Variants in TET1 observed in about 807,000 individuals in gnomAD.
TET1 encodes the protein tet methylcytosine dioxygenase 1.
Under a neutral mutation model 148.7 loss-of-function variants are expected in TET1, and 13 were observed. The ratio of observed to expected loss-of-function variants is 0.09; its 90% CI spans 0.06 to 0.14. The LOEUF (loss-of-function observed/expected upper bound fraction) is 0.14, where lower values mean the gene tolerates loss of function less well. TET1 is among the 10% of genes least tolerant of loss of function. The pLI, the probability that TET1 is intolerant of heterozygous loss-of-function variation, is 1.00. For synonymous variants in TET1, 907 were observed against 937.2 expected (o/e 0.97, Z 0.59); for missense variants, 2,182 against 2,553.8 (o/e 0.85, Z 3.14).
chr10:68,682,819 C>G lies in TET1; in HGVS notation c.4915-17C>G. ...CCTTCTCTCTCTTAAGATTGTGCTC[C>G]ATGCTTTCTTTTCTAGGTGGAATAT... On this transcript the variant is annotated splice_polypyrimidine_tract_variant and intron_variant, in intron 9 of 11. Coordinates refer to ENST00000373644, the MANE Select transcript of TET1 (RefSeq NM_030625.3). 1 of 1,610,092 alleles carries G rather than the reference C, an allele frequency of 6.2e-7. No homozygotes were observed. The highest frequency in any genetic ancestry group is 8.5e-7 in the Non-Finnish European group (1 of 1,178,788).
At chr10:68,662,568 C>A (rs1370226800) in intron 6 of TET1, among the ~76,000 whole-genome samples, 4 of 151,744 alleles carry the variant, frequency 2.6e-5, no homozygotes, top group Non-Finnish European at 4.4e-5. Context: ...GTATAATAGA[C>A]CACATATATA....
intron 3 of TET1, among the ~76,000 whole-genome samples, chr10:68,617,052 A>G (rs2054302741): frequency 5.5e-5 from 4 of 72,944 alleles, no homozygotes; most frequent in Non-Finnish European, 7.4e-5. Flanking sequence ...TTTGAGACGG[A>G]GTCTTGCTCT....
intron 8 of TET1, among the ~76,000 whole-genome samples, chr10:68,678,968 G>C (rs2055400365): frequency 6.6e-6 from 1 of 152,108 alleles, no homozygotes; most frequent in African/African-American, 2.4e-5. Context: ...TTGAGGTCAG[G>C]AGTTCAAGAC....
intron 4 of TET1, among the ~76,000 whole-genome samples, chr10:68,648,750 C>G (rs1315759421): frequency 6.6e-6 from 1 of 152,168 alleles, no homozygotes; most frequent in Non-Finnish European, 1.5e-5. Context: ...CATTTCTCTG[C>G]TCATTGTTCA....
intron 2 of TET1, among the ~76,000 whole-genome samples, chr10:68,586,020 AT>A (rs758072470): frequency 2.1e-4 from 29 of 137,020 alleles, no homozygotes; most frequent in African/African-American, 7.7e-4. Context: ...AAAAAAAAAA[AT>A]TTTTTTTTGA....
At chr10:68,580,624 C>CA (rs1353812853) in intron 2 of TET1, among the ~76,000 whole-genome samples, 4 of 149,752 alleles carry the variant, frequency 2.7e-5, no homozygotes, top group Admixed American at 6.7e-5. Flanking sequence ...ACCAAAAATT[C>CA]AAAAAAAATT....
chr10:68,679,742 C>T (rs190197855), intron 8 of TET1, among the ~76,000 whole-genome samples: 22 of 152,170 alleles, frequency 1.4e-4, no homozygotes, highest in African/African-American at 3.1e-4. Context: ...GCCATGGTCT[C>T]AGCTCACTGC....
chr10:68,674,222 C>G (rs2055319311), intron 8 of TET1: 1 of 153,658 alleles, frequency 6.5e-6, no homozygotes, highest in Non-Finnish European at 1.4e-5. Flanking sequence ...GTCCCAGCTA[C>G]TAAGGAGGCT....
In TET1 at chr10:68,686,499, G is replaced by A. The variant is rs946538611; in HGVS notation, c.5196G>A (p.Gly1732=). The A allele has an allele frequency of 6.2e-7, 1 of 1,613,960 alleles. No homozygotes were observed. The highest frequency in any genetic ancestry group is 8.5e-7 in the Non-Finnish European group (1 of 1,180,042). Residue 1732 remains glycine, a synonymous_variant, in exon 11 of 12, where the codon GGG becomes GGA. Coordinates refer to ENST00000373644, the MANE Select transcript of TET1 (RefSeq NM_030625.3). Reference sequence around the variant, plus strand: ...GAATGGAAGCCAAGATCAAATCTGGGGCCATCGAGGTCCTGGCACCCCGCC... The same window carrying A: ...GAATGGAAGCCAAGATCAAATCTGGAGCCATCGAGGTCCTGGCACCCCGCC... ...KEGMEAKIKS[G]AIEVLAPRRK...
At chr10:68,627,408 C>CA (rs1179770206) in intron 3 of TET1, among the ~76,000 whole-genome samples, 2 of 104,080 alleles carry the variant, frequency 1.9e-5, no homozygotes, top group Non-Finnish European at 4.6e-5. Context: ...ATTCTGTCTC[C>CA]GAAAAAAAAA....
chr10:68,617,384 T>G (rs1019400572), intron 3 of TET1, among the ~76,000 whole-genome samples: 1 of 151,896 alleles, frequency 6.6e-6, no homozygotes, highest in Non-Finnish European at 1.5e-5. Flanking sequence ...GGTCTTGAAC[T>G]CCCAGCCTCA....
At chr10:68,626,255 TTTTTGTTTTG>T (rs547838161) in intron 3 of TET1, among the ~76,000 whole-genome samples, 143 of 151,946 alleles carry the variant, frequency 9.4e-4, no homozygotes, top group African/African-American at 2.7e-3. Flanking sequence ...GTTTTTTTAT[TTTTTGTTTTG>T]TTTTGTTTTG....
intron 3 of TET1, among the ~76,000 whole-genome samples, chr10:68,635,242 G>C (rs1437261893): frequency 6.6e-6 from 1 of 151,892 alleles, no homozygotes; most frequent in Middle Eastern, 3.2e-3. Context: ...GTAGAAAAAT[G>C]CCTATCTAAT....
At chr10:68,567,540 C>T (rs141056618) in intron 1 of TET1, among the ~76,000 whole-genome samples, 2 of 152,012 alleles carry the variant, frequency 1.3e-5, no homozygotes, top group Admixed American at 6.6e-5. Context: ...GTGATCCACC[C>T]GTCTCCGCCT....
At chr10:68,627,942 A>C (rs1564977789) in intron 3 of TET1, among the ~76,000 whole-genome samples, 1 of 151,992 alleles carries the variant, frequency 6.6e-6, no homozygotes, top group Non-Finnish European at 1.5e-5. Flanking sequence ...TCTAAAAAAA[A>C]AAGAAGAAAG....
At chr10:68,662,474 C>T (rs1029120453) in intron 6 of TET1, among the ~76,000 whole-genome samples, 12 of 147,808 alleles carry the variant, frequency 8.1e-5, no homozygotes, top group Admixed American at 2.7e-4. Context: ...ATAAATTTTA[C>T]GTATTATTAA....
At chr10:68,685,020 T>C (rs959222099) in intron 10 of TET1, among the ~76,000 whole-genome samples, 1 of 151,690 alleles carries the variant, frequency 6.6e-6, no homozygotes, top group African/African-American at 2.4e-5. Context: ...TTTGGGATGC[T>C]GAGGTGGAAG....
intron 2 of TET1, among the ~76,000 whole-genome samples, chr10:68,588,761 A>C (rs1304297595): frequency 2.0e-5 from 3 of 152,026 alleles, no homozygotes; most frequent in African/African-American, 7.2e-5. Context: ...TGTTCCTTTA[A>C]CTGTGTTTAA....
At chr10:68,581,317 C>T (rs1002113581) in intron 2 of TET1, among the ~76,000 whole-genome samples, 2 of 152,130 alleles carry the variant, frequency 1.3e-5, no homozygotes, top group Non-Finnish European at 2.9e-5. Flanking sequence ...TCTCAGTCAT[C>T]TAGGAATTTG....
Sources: gnomAD v4.1 joint callset for allele counts (sites outside exome capture counted in the v4.1 genomes callset) on GRCh38, gnomAD v4.1.1 for gene constraint, MANE v1.5 for transcripts, NCBI Gene and HGNC (gene_info 2026-07-23, HGNC 2026-07-21) for gene names.